Variants in ADAMTSL1 observed in about 807,000 individuals in gnomAD.
ADAMTSL1 encodes ADAMTS-like protein 1.
In ADAMTSL1, 126 loss-of-function variants were observed where a neutral mutation model predicts 201.8. That is an observed-to-expected ratio of 0.62 (90% confidence interval 0.54 to 0.72). The LOEUF (loss-of-function observed/expected upper bound fraction) is 0.72, where lower values mean the gene tolerates loss of function less well. ADAMTSL1 is among the 30% of genes least tolerant of loss of function. The pLI, the probability that ADAMTSL1 is intolerant of heterozygous loss-of-function variation, is 0.00. For missense variants in ADAMTSL1, 2,679 were observed against 2,277.8 expected (o/e 1.18, Z -3.59); for synonymous variants, 1,121 against 903.4 (o/e 1.24, Z -4.32).
rs186911424 is a variant in ADAMTSL1, at chr9:18,202,680, C to T, written c.207+38699C>T. ...CCCTGAACACACCTCTATCCTAGCA[C>T]CTGTAACACTTCCGTCCCCTTATTT... On this transcript the variant is annotated intron_variant, in intron 2 of 29. Coordinates refer to the ADAMTSL1 transcript ENST00000680146. Among the ~76,000 whole-genome samples the T allele has an allele frequency of 1.1e-4, 17 of 152,294 alleles. No homozygotes were observed. The East Asian group carries it at 2.7e-3, about 24-fold the overall frequency.
intron 13 of ADAMTSL1, among the ~76,000 whole-genome samples, chr9:18,691,225 T>G (rs568329086): frequency 6.6e-6 from 1 of 152,292 alleles, no homozygotes; most frequent in Non-Finnish European, 1.5e-5. Flanking sequence ...TGCATCTACC[T>G]CTAAGATAAA....
intron 4 of ADAMTSL1, among the ~76,000 whole-genome samples, chr9:18,584,602 C>T (rs1008017643): frequency 2.0e-5 from 3 of 148,708 alleles, no homozygotes; most frequent in Non-Finnish European, 4.5e-5. Context: ...AAGGCCTCAC[C>T]AGAGTTACCT....
At chr9:18,046,944 C>G (rs1040036888) in intron 1 of ADAMTSL1, among the ~76,000 whole-genome samples, 11 of 152,022 alleles carry the variant, frequency 7.2e-5, no homozygotes, top group Admixed American at 5.9e-4. Flanking sequence ...AGCAATGGAA[C>G]TGAAGAAAAT....
At chr9:18,417,002 T>G (rs1005757319) in intron 2 of ADAMTSL1, among the ~76,000 whole-genome samples, 1 of 151,952 alleles carries the variant, frequency 6.6e-6, no homozygotes, top group Non-Finnish European at 1.5e-5. Flanking sequence ...ATTACCTCAA[T>G]AGACTGTATT....
chr9:18,758,900 C>T (rs554172923), intron 16 of ADAMTSL1, among the ~76,000 whole-genome samples: 1 of 152,280 alleles, frequency 6.6e-6, no homozygotes, highest in Admixed American at 6.5e-5. Flanking sequence ...TCTTCCACTA[C>T]CCTTTTGCCT....
intron 4 of ADAMTSL1, among the ~76,000 whole-genome samples, chr9:18,589,674 GT>G (rs975133708): frequency 2.0e-5 from 3 of 152,108 alleles, no homozygotes; most frequent in African/African-American, 7.2e-5. Context: ...AAGGCTTTCA[GT>G]TTTTTCTGTT....
chr9:18,684,644 A>T, intron 12 of ADAMTSL1, 72 bp from the exon 13 acceptor site: 1 of 1,511,740 alleles, frequency 6.6e-7, no homozygotes, highest in Non-Finnish European at 8.9e-7. Flanking sequence ...GGTGAGGAGA[A>T]TAAGGAATTT....
At chr9:18,250,613 C>G (rs1831427018) in intron 2 of ADAMTSL1, among the ~76,000 whole-genome samples, 1 of 152,120 alleles carries the variant, frequency 6.6e-6, no homozygotes, top group Non-Finnish European at 1.5e-5. Flanking sequence ...CGGAGTTGAT[C>G]TCGGTGACCT....
At chr9:17,922,978 GT>G (rs1418059050) in intron 1 of ADAMTSL1, among the ~76,000 whole-genome samples, 1 of 152,108 alleles carries the variant, frequency 6.6e-6, no homozygotes, top group South Asian at 2.1e-4. Flanking sequence ...GCTTCTGTGT[GT>G]TTTTTCTTCA....
chr9:18,890,284 C>A (rs375671870), intron 25 of ADAMTSL1, among the ~76,000 whole-genome samples: 1 of 152,210 alleles, frequency 6.6e-6, no homozygotes, highest in East Asian at 1.9e-4. Flanking sequence ...TGACAGTAGC[C>A]TCATGCTCTG....
rs112252475 is a variant in ADAMTSL1 at position 18,374,832 on chromosome 9, C to G, written c.208-129997C>G. ...GAAAATAGTATCAGTCACCTATCAACCACCCCTCTCCATTTTCACATCACT... is the reference window on the plus strand; with the variant it reads ...GAAAATAGTATCAGTCACCTATCAAGCACCCCTCTCCATTTTCACATCACT... On this transcript the variant is annotated intron_variant, in intron 2 of 29. Coordinates refer to the ADAMTSL1 transcript ENST00000680146. Among the ~76,000 whole-genome samples the G allele has an allele frequency of 7.2e-5, 11 of 152,284 alleles. 1 individual carries two copies. The highest frequency in any genetic ancestry group is 2.4e-4 in the African/African-American group (10 of 41,570).
intron 2 of ADAMTSL1, among the ~76,000 whole-genome samples, chr9:18,357,561 A>AT (rs555096650): frequency 3.3e-5 from 5 of 151,408 alleles, no homozygotes; most frequent in African/African-American, 7.3e-5. Flanking sequence ...GCATTGCTAG[A>AT]TTTTTTTTTC....
intron 1 of ADAMTSL1, among the ~76,000 whole-genome samples, chr9:18,049,645 A>T (rs1396998264): frequency 1.4e-5 from 2 of 145,914 alleles, no homozygotes; most frequent in South Asian, 2.2e-4. Flanking sequence ...TTTTTTTGAG[A>T]TGGAGTCTTG....
intron 15 of ADAMTSL1, among the ~76,000 whole-genome samples, chr9:18,735,018 A>G (rs1016200406): frequency 1.3e-5 from 2 of 152,234 alleles, no homozygotes; most frequent in Non-Finnish European, 2.9e-5. Flanking sequence ...AATGGATCAA[A>G]TTAACTTTTA....
chr9:18,586,905 G>A (rs1213491009), intron 4 of ADAMTSL1, among the ~76,000 whole-genome samples: 2 of 152,090 alleles, frequency 1.3e-5, no homozygotes, highest in East Asian at 3.9e-4. Flanking sequence ...GCAGAAGACT[G>A]GAACTGGACC....
intron 3 of ADAMTSL1, among the ~76,000 whole-genome samples, chr9:18,563,933 C>T (rs543269376): frequency 1.3e-5 from 2 of 152,194 alleles, no homozygotes; most frequent in Admixed American, 6.5e-5. Context: ...GCCAGTGGAT[C>T]TTAGCTTGCT....
At chr9:18,844,648 C>T (rs988474080) in intron 23 of ADAMTSL1, among the ~76,000 whole-genome samples, 1 of 152,222 alleles carries the variant, frequency 6.6e-6, no homozygotes, top group African/African-American at 2.4e-5. Flanking sequence ...GAGGTGGAGC[C>T]TACAGAGGCA....
chr9:18,609,432 T>C (rs947515213), intron 4 of ADAMTSL1, among the ~76,000 whole-genome samples: 1 of 148,340 alleles, frequency 6.7e-6, no homozygotes, highest in Admixed American at 6.7e-5. Context: ...TAGAGGGAAG[T>C]TAAAAAAAAA....
intron 2 of ADAMTSL1, among the ~76,000 whole-genome samples, chr9:18,245,549 G>GA (rs980321663): frequency 2.0e-5 from 3 of 151,946 alleles, no homozygotes; most frequent in Non-Finnish European, 2.9e-5. Flanking sequence ...ATGGGGTTGA[G>GA]AAAAAATGGG....
Sources: gnomAD v4.1 joint callset for allele counts (sites outside exome capture counted in the v4.1 genomes callset) on GRCh38, gnomAD v4.1.1 for gene constraint, MANE v1.5 for transcripts, NCBI Gene and HGNC (gene_info 2026-07-23, HGNC 2026-07-21) for gene names.